Variants in CCSER1 observed in about 807,000 individuals in gnomAD.
CCSER1 encodes the protein serine-rich coiled-coil domain-containing protein 1.
Under a neutral mutation model 82.0 loss-of-function variants are expected in CCSER1, and 41 were observed. The ratio of observed to expected loss-of-function variants is 0.50; its 90% CI spans 0.39 to 0.65. The LOEUF (loss-of-function observed/expected upper bound fraction) is 0.65. Among genes scored for constraint, CCSER1 ranks in the 30% least tolerant of loss-of-function variants. CCSER1 has a pLI of 0.00. For synonymous variants in CCSER1, 414 were observed against 383.9 expected (o/e 1.08, Z -0.92); for missense variants, 1,119 against 1,064.2 (o/e 1.05, Z -0.72).
intron 9 of CCSER1, among the ~76,000 whole-genome samples, chr4:90,932,665 T>C (rs1317556781): frequency 6.6e-6 from 1 of 150,952 alleles, no homozygotes; most frequent in Admixed American, 6.6e-5. Flanking sequence ...CCTTCTCTAC[T>C]AAAATTATAA....
At chr4:90,728,370 A>G (rs1161541692) in intron 7 of CCSER1, among the ~76,000 whole-genome samples, 6 of 145,844 alleles carry the variant, frequency 4.1e-5, no homozygotes, top group Non-Finnish European at 7.4e-5. Context: ...GCACTGATAA[A>G]ACAATATCAA....
intron 10 of CCSER1, among the ~76,000 whole-genome samples, chr4:91,596,825 T>C (rs1299681595): frequency 6.6e-6 from 1 of 151,616 alleles, no homozygotes; most frequent in Non-Finnish European, 1.5e-5. Flanking sequence ...AAGTAGCTTA[T>C]CACAAAAATA....
intron 10 of CCSER1, among the ~76,000 whole-genome samples, chr4:91,150,632 C>G (rs1010447998): frequency 6.6e-6 from 1 of 152,070 alleles, no homozygotes; most frequent in Non-Finnish European, 1.5e-5. Context: ...CATAAAATAG[C>G]TCTTATTATT....
chr4:90,482,103 A>T (rs1206873707), intron 5 of CCSER1, among the ~76,000 whole-genome samples: 3 of 151,844 alleles, frequency 2.0e-5, no homozygotes, highest in African/African-American at 7.3e-5. Context: ...GATTTGGGAG[A>T]GTGTGTGTGT....
chr4:90,663,690 T>C (rs1731215585), intron 6 of CCSER1, among the ~76,000 whole-genome samples: 1 of 152,216 alleles, frequency 6.6e-6, no homozygotes. Flanking sequence ...ATATTTATTT[T>C]ACAATATTTT....
intron 10 of CCSER1, among the ~76,000 whole-genome samples, chr4:91,135,420 G>A (rs539277867): frequency 2.5e-3 from 384 of 152,254 alleles, no homozygotes; most frequent in African/African-American, 8.8e-3. Flanking sequence ...TGTCCACAAA[G>A]GGAATTATTG....
intron 1 of CCSER1, among the ~76,000 whole-genome samples, chr4:90,270,136 A>T (rs1424153769): frequency 6.6e-6 from 1 of 152,102 alleles, no homozygotes; most frequent in African/African-American, 2.4e-5. Flanking sequence ...TCCAAATATT[A>T]TAGGAAGTGG....
chr4:91,518,192 G>A (rs1009896836), intron 10 of CCSER1, among the ~76,000 whole-genome samples: 8 of 152,282 alleles, frequency 5.3e-5, no homozygotes, highest in East Asian at 1.9e-4. Context: ...CAAAGGAAGC[G>A]ACCTTAGCAG....
chr4:90,787,409 C>G (rs1419453372), intron 7 of CCSER1, among the ~76,000 whole-genome samples: 4 of 152,172 alleles, frequency 2.6e-5, no homozygotes, highest in African/African-American at 9.7e-5. Context: ...CATAACACTA[C>G]AACTTTGTGA....
At chr4:91,056,994 G>T (rs1303981226) in intron 9 of CCSER1, among the ~76,000 whole-genome samples, 2 of 152,154 alleles carry the variant, frequency 1.3e-5, no homozygotes, top group Non-Finnish European at 2.9e-5. Context: ...ATTCCTTTCA[G>T]CCAGAGGAGG....
chr4:90,622,666 T>C (rs113681807), intron 5 of CCSER1, among the ~76,000 whole-genome samples: 11,321 of 152,124 alleles, frequency 0.074, 526 homozygotes, highest in East Asian at 0.17. Flanking sequence ...CAGTCTATCG[T>C]TGATGGACAT....
chr4:90,688,615 G>A (rs1352474778), intron 6 of CCSER1, among the ~76,000 whole-genome samples: 1 of 151,962 alleles, frequency 6.6e-6, no homozygotes, highest in Admixed American at 6.6e-5. Flanking sequence ...AAATAATCTT[G>A]TTAATTCCTT....
At chr4:90,357,305 T>C (rs958622911) in intron 3 of CCSER1, among the ~76,000 whole-genome samples, 6 of 151,960 alleles carry the variant, frequency 3.9e-5, no homozygotes, top group African/African-American at 1.4e-4. Context: ...TTAGTCTTAT[T>C]GAGGTCCACT....
At chr4:91,203,659 C>T (rs1186218004) in intron 10 of CCSER1, among the ~76,000 whole-genome samples, 1 of 148,468 alleles carries the variant, frequency 6.7e-6, no homozygotes, top group East Asian at 2.0e-4. Context: ...TAAAAAAAAA[C>T]AGGGTAAAAG....
chr4:90,462,100 A>G (rs1233643971), intron 4 of CCSER1, among the ~76,000 whole-genome samples: 5 of 152,042 alleles, frequency 3.3e-5, no homozygotes, highest in African/African-American at 4.8e-5. Flanking sequence ...TCATCAAAAA[A>G]CTTTGTATAG....
intron 10 of CCSER1, among the ~76,000 whole-genome samples, chr4:91,209,784 AT>A (rs964149817): frequency 9.2e-5 from 14 of 151,544 alleles, no homozygotes; most frequent in African/African-American, 3.1e-4. Flanking sequence ...TCATGGATTC[AT>A]TTTTTTTCCC....
intron 4 of CCSER1, among the ~76,000 whole-genome samples, chr4:90,400,500 G>GT (rs1255723933): frequency 3.9e-5 from 6 of 152,044 alleles, no homozygotes; most frequent in Non-Finnish European, 8.8e-5. Context: ...CCAAATGGAA[G>GT]TTTTGTGGAT....
chr4:91,463,706 T>G (rs1756662778), intron 10 of CCSER1, among the ~76,000 whole-genome samples: 1 of 152,176 alleles, frequency 6.6e-6, no homozygotes, highest in African/African-American at 2.4e-5. Flanking sequence ...ACGTGATTAA[T>G]GCACAAGCTT....
chr4:91,575,588 A>C (rs1189723180), intron 10 of CCSER1, among the ~76,000 whole-genome samples: 1 of 152,052 alleles, frequency 6.6e-6, no homozygotes, highest in Non-Finnish European at 1.5e-5. Flanking sequence ...TGATCTACCA[A>C]ATATCTATCA....
Sources: allele counts gnomAD v4.1 joint callset (sites outside exome capture counted in the v4.1 genomes callset), GRCh38; gene constraint gnomAD v4.1.1; transcripts MANE v1.5; gene names NCBI Gene and HGNC (gene_info 2026-07-23, HGNC 2026-07-21).